Variants in TRPS1 observed in about 807,000 individuals in gnomAD.
TRPS1 encodes the protein zinc finger transcription factor Trps1.
A neutral mutation model predicts 101.2 loss-of-function variants in TRPS1; 6 were observed. That is an observed-to-expected ratio of 0.06 (90% CI 0.03 to 0.12). TRPS1 has a LOEUF of 0.12. Among genes scored for constraint, TRPS1 ranks in the 10% least tolerant of loss-of-function variants. TRPS1 has a pLI of 1.00. For synonymous variants in TRPS1, 578 were observed against 589.8 expected (o/e 0.98, Z 0.29); for missense variants, 1,363 against 1,567.0 (o/e 0.87, Z 2.20).
rs1464357178 is a variant in TRPS1 at position 115,619,478 on chromosome 8, C to T, written c.620G>A (p.Gly207Asp). 1.2e-6 allele frequency: 2 copies of T among 1,614,172 alleles called. No homozygotes were observed. The highest frequency in any genetic ancestry group is 1.1e-5 in the South Asian group (1 of 91,086). ...SKNPQVPSDG[G>D]VRLNKSKTDL... ...AGTTTTGGATTTATTCAGTCTTACA[C>T]CCCCATCTGAAGGCACTTGTGGGTT... Residue 207 changes from glycine to aspartate, a missense_variant, in exon 3 of 7, where the codon GGT (glycine) becomes GAT (aspartate). Transcript: ENST00000395715.
intron 5 of TRPS1, among the ~76,000 whole-genome samples, chr8:115,496,925 C>T (rs565078809): frequency 2.6e-5 from 4 of 152,270 alleles, no homozygotes; most frequent in African/African-American, 9.6e-5. Flanking sequence ...CCAAGTTTTG[C>T]AGCTTAAAGT....
intron 3 of TRPS1, among the ~76,000 whole-genome samples, chr8:115,607,749 CTTTTT>C (rs1256227771): frequency 6.6e-6 from 1 of 151,772 alleles, no homozygotes; most frequent in Non-Finnish European, 1.5e-5. Context: ...TGTTCTATTC[CTTTTT>C]TATTTCAAAA....
intron 4 of TRPS1, among the ~76,000 whole-genome samples, chr8:115,601,171 C>T (rs1465632190): frequency 6.6e-6 from 1 of 152,114 alleles, no homozygotes; most frequent in East Asian, 1.9e-4. Context: ...TTTTACTACA[C>T]CATTAAGTCT....
Position 115,519,500 on chromosome 8 carries a change from C to T in TRPS1, c.2700+67501G>A, listed in dbSNP as rs143177278. On this transcript the variant is annotated intron_variant, in intron 5 of 6. Coordinates refer to ENST00000395715, the MANE Select transcript of TRPS1 (RefSeq NM_014112.5). ...TTATTTAGTGACTCAAAGTCCATTT[C>T]GATAGATGATCATTGGATTAAAAAA... is the stretch of plus-strand genomic sequence containing the variant. Among the ~76,000 whole-genome samples the T allele has an allele frequency of 4.9e-4, 74 of 151,392 alleles. No individual in the cohort carries two copies. The East Asian group carries it at 0.011, about 23-fold the overall frequency.
At chr8:115,528,004 T>C (rs963258116) in intron 5 of TRPS1, among the ~76,000 whole-genome samples, 30 of 152,198 alleles carry the variant, frequency 2.0e-4, no homozygotes, top group African/African-American at 7.0e-4. Flanking sequence ...GCATAATCAA[T>C]TGCTTGTTCA....
intron 5 of TRPS1, among the ~76,000 whole-genome samples, chr8:115,447,088 C>T (rs533335470): frequency 6.6e-6 from 1 of 152,224 alleles, no homozygotes; most frequent in East Asian, 1.9e-4. Flanking sequence ...TATTTTTAGC[C>T]ATTTTTAGCA....
chr8:115,600,510 T>C (rs1358807702), intron 4 of TRPS1, among the ~76,000 whole-genome samples: 1 of 152,108 alleles, frequency 6.6e-6, no homozygotes, highest in African/African-American at 2.4e-5. Flanking sequence ...CTCAGATTCG[T>C]CCCCTTCTCT....
In TRPS1 at chr8:115,599,722, T is replaced by G. The variant is rs886613049; in HGVS notation, c.2096+4151A>C. Among the ~76,000 whole-genome samples, 8 of 152,226 alleles carry G rather than the reference T, an allele frequency of 5.3e-5. No homozygotes were observed. In the East Asian group the frequency reaches 5.8e-4, roughly 11 times the overall value. ...TCCGTGGTGTATATGTGCCACATTT[T>G]CTTTATCCAATCTATCATTGGTGGA... On this transcript the variant is annotated intron_variant, in intron 4 of 6. Transcript: ENST00000395715.
chr8:115,525,952 G>C (rs977978436), intron 5 of TRPS1, among the ~76,000 whole-genome samples: 1 of 152,136 alleles, frequency 6.6e-6, no homozygotes, highest in African/African-American at 2.4e-5. Context: ...TAAAATGGTA[G>C]TGATACCACT....
intron 3 of TRPS1, among the ~76,000 whole-genome samples, chr8:115,609,873 A>C (rs577307858): frequency 7.9e-5 from 12 of 152,302 alleles, no homozygotes; most frequent in South Asian, 6.2e-4. Context: ...CACACACACA[A>C]AAATGTTTTA....
chr8:115,568,797 A>C (rs1405173853), intron 5 of TRPS1, among the ~76,000 whole-genome samples: 1 of 152,146 alleles, frequency 6.6e-6, no homozygotes, highest in Non-Finnish European at 1.5e-5. Flanking sequence ...CCTCCCAATT[A>C]AAATACTCTG....
chr8:115,554,972 A>C (rs190083082), intron 5 of TRPS1, among the ~76,000 whole-genome samples: 67 of 152,220 alleles, frequency 4.4e-4, no homozygotes, highest in Non-Finnish European at 8.7e-4. Context: ...AAGAGGGCGA[A>C]AATAAGTGGT....
chr8:115,638,733 T>C (rs567909893), intron 1 of TRPS1, among the ~76,000 whole-genome samples: 1 of 152,286 alleles, frequency 6.6e-6, no homozygotes, highest in Admixed American at 6.5e-5. Context: ...GGCGGGGTTT[T>C]TACCCTTTTT....
intron 5 of TRPS1, among the ~76,000 whole-genome samples, chr8:115,448,007 T>C (rs1813779320): frequency 6.6e-6 from 1 of 152,168 alleles, no homozygotes. Context: ...AATTACTGAC[T>C]TGCCATGATG....
rs1205067520 is a variant in TRPS1, at chr8:115,409,908, G to C, written c.*4115C>G. On this transcript the variant is annotated 3_prime_UTR_variant, in exon 7 of 7. Coordinates refer to ENST00000395715, the MANE Select transcript of TRPS1 (RefSeq NM_014112.5). ...CTTACTGGCTCACCAAAGACGACTT[G>C]ATCTTTTTTTCTTTTTTTTTTTTTG... 7.3e-6 allele frequency: 1 copy of C among 137,842 alleles called. No individual in the cohort carries two copies. Among genetic ancestry groups the C allele is most frequent in the African/African-American group, 2.9e-5 (1 of 34,330 alleles). The allele number at this position is 137,842 out of a possible 1,614,324, so 8.5% of individuals were successfully genotyped here. A position where few individuals can be genotyped will look rare whatever the true frequency, so the allele number is the denominator to read the frequency against.
Position 115,587,781 on chromosome 8 carries a change from T to C in TRPS1, c.2097-177A>G, listed in dbSNP as rs71530811. On this transcript the variant is annotated intron_variant, in intron 4 of 6. Coordinates refer to ENST00000395715, the MANE Select transcript of TRPS1 (RefSeq NM_014112.5). ...TAATTAACAGGCATTTTCAGTTCTA[T>C]ATAAAGAGTTCAAAGTGCCCTTGTT... Among the ~76,000 whole-genome samples the C allele has an allele frequency of 0.069, 10,437 of 152,312 alleles. 482 individuals are homozygous for C. The highest frequency in any genetic ancestry group is 0.1 in the Non-Finnish European group (6,771 of 68,018).
intron 5 of TRPS1, among the ~76,000 whole-genome samples, chr8:115,427,356 A>C (rs1452742373): frequency 1.3e-5 from 2 of 152,192 alleles, no homozygotes; most frequent in African/African-American, 4.8e-5. Context: ...TTGTTTGACT[A>C]TCTTTGTCCC....
At chr8:115,502,455 A>G (rs1276667730) in intron 5 of TRPS1, among the ~76,000 whole-genome samples, 1 of 152,224 alleles carries the variant, frequency 6.6e-6, no homozygotes, top group African/African-American at 2.4e-5. Context: ...TTATGAAAAG[A>G]GAAGCTACCA....
At chr8:115,425,658 T>C (rs2129803256) in intron 5 of TRPS1, among the ~76,000 whole-genome samples, 1 of 152,272 alleles carries the variant, frequency 6.6e-6, no homozygotes, top group Admixed American at 6.5e-5. Flanking sequence ...ATTCTCAGAG[T>C]GAAAGAGCAG....
Sources: gnomAD v4.1 joint callset for allele counts (sites outside exome capture counted in the v4.1 genomes callset) on GRCh38, gnomAD v4.1.1 for gene constraint, MANE v1.5 for transcripts, NCBI Gene and HGNC (gene_info 2026-07-23, HGNC 2026-07-21) for gene names.